KRT13: variants seen among roughly 807,000 people sequenced by gnomAD.
The protein encoded by KRT13 is keratin 13, also known as keratin, type I cytoskeletal 13.
A neutral mutation model predicts 40.6 loss-of-function variants in KRT13; 27 were observed. That is an observed-to-expected ratio of 0.67 (90% CI 0.49 to 0.92). The LOEUF (loss-of-function observed/expected upper bound fraction) is 0.92, where lower values mean the gene tolerates loss of function less well. Ranked by LOEUF, KRT13 falls within the 40% of genes least tolerant of loss-of-function variation. The pLI is 0.00. For synonymous variants in KRT13, 266 were observed against 240.3 expected (o/e 1.11, Z -0.99); for missense variants, 605 against 611.5 (o/e 0.99, Z 0.11).
Position 41,503,708 on chromosome 17 carries a change from A to G in KRT13, c.513T>C (p.Ile171=). Residue 171 remains isoleucine (I), a synonymous_variant, in exon 2 of 8, where the codon ATT becomes ATC. Transcript: ENST00000246635. ...ELRDKILTAT[I]ENNRVILEID... ...TCTCCAGGATGACCCGGTTGTTTTC[A>G]ATGGTGGCGGTCAGGATCTACAAAA... The G allele has an allele frequency of 6.2e-7, 1 of 1,614,114 alleles. No individual in the cohort carries two copies. The highest frequency in any genetic ancestry group is 8.5e-7 in the Non-Finnish European group (1 of 1,179,990).
In KRT13 at chr17:41,503,044, C is replaced by T. The variant is rs947507116; in HGVS notation, c.790G>A (p.Ala264Thr). ...CGGGTCAGGTCAATGCCTGGGGTGG[C>T]ATCCATCTCCACGTTGACCTGGCCG... ...VVGQVNVEMD[A>T]TPGIDLTRVL... The change falls in exon 4 of 8, where the codon GCC becomes ACC. Residue 264 changes from alanine to threonine, a missense_variant. Coordinates refer to ENST00000246635, the MANE Select transcript of KRT13 (RefSeq NM_153490.3). The T allele has an allele frequency of 4.3e-6, 7 of 1,614,098 alleles. No individual in the cohort carries two copies. In the African/African-American group the frequency reaches 5.3e-5, roughly 12 times the overall value.
At chr17:41,502,899 A>G in intron 4 of KRT13, 38 bp downstream of exon 4, 2 of 1,613,604 alleles carry the variant, frequency 1.2e-6, no homozygotes, top group Non-Finnish European at 1.7e-6. Context: ...CCCCCTGGCT[A>G]TATGGGATGG....
At chr17:41,503,153 C>G (rs1904928377) in intron 3 of KRT13, 55 bp from the exon 4 acceptor site, 17 of 1,609,812 alleles carry the variant, frequency 1.1e-5, no homozygotes, top group Non-Finnish European at 1.4e-5. Flanking sequence ...CTCTCCTTGG[C>G]TCTGAGTGCT....
Position 41,501,064 on chromosome 17 carries a change from C to T in KRT13, c.*192G>A, listed in dbSNP as rs1277640467. 4 of 529,158 alleles carry T rather than the reference C, an allele frequency of 7.6e-6. No individual in the cohort carries two copies. Among genetic ancestry groups the T allele is most frequent in the Non-Finnish European group, 1.4e-5 (4 of 287,182 alleles). The allele number at this position is 529,158 out of a possible 1,614,324, so 32.8% of individuals were successfully genotyped here. On this transcript the variant is annotated 3_prime_UTR_variant, in exon 8 of 8. Coordinates refer to ENST00000246635, the MANE Select transcript of KRT13 (RefSeq NM_153490.3). ...TTGAGAAACCAAAGCGTATCCAGGT[C>T]AGAGAGGAGAGAGATCCGACCGGAA...
rs147822928 is a variant in KRT13, at chr17:41,503,360, G to C, written c.662C>G (p.Ser221Cys). 4.3e-5 allele frequency: 70 copies of C among 1,614,242 alleles called. No individual in the cohort carries two copies. The African/African-American group carries it at 9.1e-4, about 21-fold the overall frequency. ...LRRVLDELTL[S>C]KTDLEMQIES... is the part of the protein sequence containing the mutation. ...GATCTGCATCTCCAGGTCAGTCTTA[G>C]ACAGAGTGAGCTCATCCAGCACCCG... The change falls in exon 3 of 8, where the codon TCT (serine) becomes TGT (cysteine). Residue 221 changes from serine to cysteine, a missense_variant. Physicochemically the swap from Ser to Cys is moderately radical, Grantham distance 112. Transcript: ENST00000246635.
At chr17:41,502,208 T>C (rs1904873993) in intron 6 of KRT13, 166 bp downstream of exon 6, 5 of 1,531,898 alleles carry the variant, frequency 3.3e-6, no homozygotes, top group Non-Finnish European at 4.4e-6. Flanking sequence ...AATTAGAAAG[T>C]TTAAAGGTGT....
In KRT13 at chr17:41,505,092, G is replaced by C. The variant is rs771980528; in HGVS notation, c.459C>G (p.Ser153Arg). The C allele has an allele frequency of 6.2e-7, 1 of 1,614,196 alleles. No homozygotes were observed. The highest frequency in any genetic ancestry group is 1.7e-5 in the Admixed American group (1 of 60,026). ...QSPASPERDY[S>R]PYYKTIEELR... Reference sequence around the variant, plus strand: ...GCTCTTCAATGGTCTTGTAGTAGGGGCTGTAGTCCCGCTCAGGGCTAGCTG... The same window carrying C: ...GCTCTTCAATGGTCTTGTAGTAGGGCCTGTAGTCCCGCTCAGGGCTAGCTG... Residue 153 changes from serine (S) to arginine (R), a missense_variant, in exon 1 of 8, where the codon AGC becomes AGG. Ser to Arg is a moderately radical substitution (Grantham distance 110). Coordinates refer to ENST00000246635, the MANE Select transcript of KRT13 (RefSeq NM_153490.3).
intron 2 of KRT13, 46 bp downstream of exon 2, chr17:41,503,597 A>G (rs1567714044): frequency 6.3e-7 from 1 of 1,580,044 alleles, no homozygotes; most frequent in African/African-American, 1.3e-5. Flanking sequence ...TGTCTAAACT[A>G]AGAGACTCCT....
rs746117318 is a variant in KRT13, at chr17:41,503,421, G to T, written c.601C>A (p.Arg201Ser). 6.2e-7 allele frequency: 1 copy of T among 1,614,212 alleles called. No homozygotes were observed. The highest frequency in any genetic ancestry group is 1.7e-5 in the Admixed American group (1 of 60,036). Residue 201 changes from arginine (R) to serine (S), a missense_variant, in exon 3 of 8, where the codon CGC becomes AGC. Transcript: ENST00000246635. ...TTGATGTCGGCCTCCACGCTCTGGC[G>T]CAGGGCCAGCTCATTCTCATACCTA... ...RLKYENELALRQSVEADINGL... is the reference protein window; with the variant it reads ...RLKYENELALSQSVEADINGL...
rs1567712858 is a variant in KRT13, at chr17:41,501,325, AGTC to A, written c.1305_1307del (p.Thr436del). 6.4e-7 allele frequency: 1 copy of A among 1,574,540 alleles called. No homozygotes were observed. Among genetic ancestry groups the A allele is most frequent in the Non-Finnish European group, 8.6e-7 (1 of 1,159,870 alleles). ...AGGTGGTGGTAACAGAGGCACTAGA[AGTC>A]GTGGTAACAGAGGTGCTACGGGGGC... On this transcript the variant is annotated inframe_deletion, in exon 8 of 8. Transcript: ENST00000246635.
chr17:41,503,095 T>A lies in KRT13; in HGVS notation c.739A>T (p.Met247Leu). ...ACCACCTGGTTGCTAAATTCCTTCA[T>A]CTCCTGTGGGGATGGGAAAGGAAGA... is the stretch of plus-strand genomic sequence containing the variant. Reference protein sequence around the residue: ...AYMKKNHEEEMKEFSNQVVGQ... With the variant: ...AYMKKNHEEELKEFSNQVVGQ... Residue 247 changes from methionine to leucine, a missense_variant, in exon 4 of 8, where the codon ATG becomes TTG. By Grantham distance (15) the Met-to-Leu change is conservative. Coordinates refer to ENST00000246635, the MANE Select transcript of KRT13 (RefSeq NM_153490.3). 1.9e-6 allele frequency: 3 copies of A among 1,614,164 alleles called. No individual in the cohort carries two copies. Among genetic ancestry groups the A allele is most frequent in the Non-Finnish European group, 2.5e-6 (3 of 1,180,022 alleles).
Position 41,503,042 on chromosome 17 carries a change from G to A in KRT13, c.792C>T (p.Ala264=). ...VVGQVNVEMD[A]TPGIDLTRVL... is the part of the protein sequence containing the mutation. The stretch of plus-strand genomic sequence containing the variant: ...CGCGGGTCAGGTCAATGCCTGGGGT[G>A]GCATCCATCTCCACGTTGACCTGGC... The change falls in exon 4 of 8, where the codon GCC becomes GCT. Residue 264 remains alanine, a synonymous_variant. Coordinates refer to ENST00000246635, the MANE Select transcript of KRT13 (RefSeq NM_153490.3). The A allele has an allele frequency of 6.2e-7, 1 of 1,614,198 alleles. No homozygotes were observed. Among genetic ancestry groups the A allele is most frequent in the South Asian group, 1.1e-5 (1 of 91,078 alleles).
Position 41,502,727 on chromosome 17 carries a change from A to G in KRT13, c.983T>C (p.Leu328Pro). ...CTGCAGCTCAATCTCCAGGCCTTGG[A>G]GCGTGCGCCTGAGCTCCGTGATCTC... ...KTEITELRRT[L>P]QGLEIELQSQ... Residue 328 changes from leucine to proline, a missense_variant, in exon 5 of 8, where the codon CTC becomes CCC. Physicochemically the swap from Leu to Pro is moderately conservative, Grantham distance 98 (BLOSUM62 -3). Coordinates refer to ENST00000246635, the MANE Select transcript of KRT13 (RefSeq NM_153490.3). 6.2e-7 allele frequency: 1 copy of G among 1,614,180 alleles called. No individual in the cohort carries two copies. Among genetic ancestry groups the G allele is most frequent in the Non-Finnish European group, 8.5e-7 (1 of 1,180,026 alleles).
intron 3 of KRT13, 85 bp downstream of exon 3, chr17:41,503,202 G>A: frequency 1.2e-6 from 2 of 1,600,702 alleles, no homozygotes; most frequent in Non-Finnish European, 1.7e-6. Flanking sequence ...GTCCCACAGT[G>A]GAGGACTGTG....
At chr17:41,502,080 C>T in intron 6 of KRT13, 1 of 1,416,672 alleles carries the variant, frequency 7.1e-7, no homozygotes, top group Non-Finnish European at 9.2e-7. Context: ...GGTCTAAAGG[C>T]AGTTAAAGCA....
Position 41,503,408 on chromosome 17 carries a change from T to C in KRT13, c.614A>G (p.Glu205Gly). 1 of 1,614,232 alleles carries C rather than the reference T, an allele frequency of 6.2e-7. No individual in the cohort carries two copies. Among genetic ancestry groups the C allele is most frequent in the South Asian group, 1.1e-5 (1 of 91,088 alleles). Residue 205 changes from glutamate to glycine, a missense_variant, in exon 3 of 8, where the codon GAG (glutamate) becomes GGG (glycine). By Grantham distance (98) the Glu-to-Gly change is moderately conservative. Transcript: ENST00000246635. ...CCGGCGCAGGCCGTTGATGTCGGCC[T>C]CCACGCTCTGGCGCAGGGCCAGCTC... ...ENELALRQSV[E>G]ADINGLRRVL...
In KRT13 at chr17:41,503,657, G is replaced by C; in HGVS notation, c.564C>G (p.Asp188Glu). The C allele has an allele frequency of 6.2e-7, 1 of 1,613,676 alleles. No homozygotes were observed. Among genetic ancestry groups the C allele is most frequent in the Non-Finnish European group, 8.5e-7 (1 of 1,179,700 alleles). Residue 188 changes from aspartate (D) to glutamate (E), a missense_variant, in exon 2 of 8, where the codon GAC (aspartate) becomes GAG (glutamate). Physicochemically the swap from Asp to Glu is conservative, Grantham distance 45. Coordinates refer to ENST00000246635, the MANE Select transcript of KRT13 (RefSeq NM_153490.3). ...AAAAAACTCACTTGAGCCTGAAGTC[G>C]TCCGCAGCCAGCCTGGCATTGTCAA... ...LEIDNARLAA[D>E]DFRLKYENEL...
chr17:41,501,958 G>A, intron 6 of KRT13: 1 of 1,445,602 alleles, frequency 6.9e-7, no homozygotes, highest in Non-Finnish European at 9.1e-7. Flanking sequence ...GTCTCAAGGG[G>A]AGATATTATT....
rs913338808 is a variant in KRT13 at position 41,504,983 on chromosome 17, A to C, written c.495+73T>G. On this transcript the variant is annotated intron_variant, in intron 1 of 7. Coordinates refer to ENST00000246635, the MANE Select transcript of KRT13 (RefSeq NM_153490.3). The stretch of plus-strand genomic sequence containing the variant: ...GAATTCCGTCCACACCTAGTCCCCC[A>C]CAACACTGTGTTTCTTGGCCTTGGA... 1.9e-6 allele frequency: 3 copies of C among 1,576,590 alleles called. No individual in the cohort carries two copies. The African/African-American group carries it at 4.1e-5, about 21-fold the overall frequency.
Sources: gnomAD v4.1 joint callset for allele counts on GRCh38, gnomAD v4.1.1 for gene constraint, MANE v1.5 for transcripts, NCBI Gene and HGNC (gene_info 2026-07-23, HGNC 2026-07-21) for gene names.